PTPRT: variants seen among roughly 807,000 people sequenced by gnomAD.
PTPRT encodes protein tyrosine phosphatase receptor type T, also known as receptor-type tyrosine-protein phosphatase T.
A neutral mutation model predicts 176.8 loss-of-function variants in PTPRT; 56 were observed. The observed-to-expected ratio is 0.32, with a 90% CI of 0.26 to 0.40. The LOEUF (loss-of-function observed/expected upper bound fraction) is 0.40, where lower values mean the gene tolerates loss of function less well. Ranked by LOEUF, PTPRT falls within the 10% of genes least tolerant of loss-of-function variation. The pLI, the probability that PTPRT is intolerant of heterozygous loss-of-function variation, is 1.00. For missense variants in PTPRT, 1,540 were observed against 1,908.2 expected, an observed-to-expected ratio of 0.81 and a Z score of 3.60; for synonymous variants, 783 against 739.0, an observed-to-expected ratio of 1.06 and a Z score of -0.96.
chr20:42,790,224 TAA>T (rs3091721), intron 3 of PTPRT, among the ~76,000 whole-genome samples: 18,189 of 144,094 alleles, frequency 0.13, 1,145 homozygotes, highest in South Asian at 0.22. Flanking sequence ...ATAACATTGT[TAA>T]AAAAAAAAAA....
In PTPRT at chr20:42,128,843, C is replaced by A. The variant is rs769813330; in HGVS notation, c.2771-13G>T. On this transcript the variant is annotated splice_polypyrimidine_tract_variant and intron_variant, in intron 18 of 30. Transcript: ENST00000373187. The stretch of plus-strand genomic sequence containing the variant: ...CGGGAATGGTCGTCTGCAGAGAGAG[C>A]AGAAATCAAGGGGATGGTTGATAAG... The A allele has an allele frequency of 1.3e-6, 2 of 1,596,052 alleles. No homozygotes were observed. The highest frequency in any genetic ancestry group is 1.1e-5 in the South Asian group (1 of 87,968).
At chr20:42,274,961 A>G (rs2057004468) in intron 13 of PTPRT, among the ~76,000 whole-genome samples, 1 of 152,168 alleles carries the variant, frequency 6.6e-6, no homozygotes, top group South Asian at 2.1e-4. Context: ...TGGTCAATGA[A>G]TCTCATCTGT....
chr20:43,007,733 T>C (rs1024171372), intron 1 of PTPRT, among the ~76,000 whole-genome samples: 2 of 152,222 alleles, frequency 1.3e-5, no homozygotes, highest in Non-Finnish European at 2.9e-5. Flanking sequence ...GCTTTCTTTT[T>C]CAAATGCAGG....
intron 12 of PTPRT, among the ~76,000 whole-genome samples, chr20:42,300,630 TA>T (rs961100732): frequency 2.4e-4 from 36 of 151,806 alleles, no homozygotes; most frequent in African/African-American, 8.5e-4. Flanking sequence ...TTTATCAATA[TA>T]AATAAATTAA....
At chr20:42,344,431 A>T (rs1241801268) in intron 11 of PTPRT, among the ~76,000 whole-genome samples, 2 of 152,194 alleles carry the variant, frequency 1.3e-5, no homozygotes, top group Non-Finnish European at 2.9e-5. Context: ...CTATGGCAGG[A>T]AGAGCATAAT....
chr20:42,737,563 CG>C (rs2076558169), intron 6 of PTPRT, among the ~76,000 whole-genome samples: 1 of 151,060 alleles, frequency 6.6e-6, no homozygotes, highest in Non-Finnish European at 1.5e-5. Context: ...ACCCGGGAGA[CG>C]GAGGTTGCAG....
chr20:42,232,813 CAAAAAA>C (rs5841454), intron 15 of PTPRT, among the ~76,000 whole-genome samples: 1 of 63,238 alleles, frequency 1.6e-5, no homozygotes. Context: ...CTCTGTTTTA[CAAAAAA>C]AAAAAAAAAA....
chr20:43,062,143 G>A (rs1029889326), intron 1 of PTPRT, among the ~76,000 whole-genome samples: 3 of 152,190 alleles, frequency 2.0e-5, no homozygotes, highest in African/African-American at 7.2e-5. Context: ...TAATGAAAAT[G>A]TTCTATGCCT....
chr20:42,533,239 C>T (rs1197054432), intron 7 of PTPRT, among the ~76,000 whole-genome samples: 2 of 152,144 alleles, frequency 1.3e-5, no homozygotes, highest in Non-Finnish European at 2.9e-5. Context: ...TAATTTGATT[C>T]TAGAAAATCA....
chr20:43,151,028 C>T (rs1600751292), intron 1 of PTPRT, among the ~76,000 whole-genome samples: 1 of 151,840 alleles, frequency 6.6e-6, no homozygotes. Flanking sequence ...ATAGACTGGT[C>T]GGGTGTGGTG....
At chr20:42,760,380 CTTTT>C (rs754362528) in intron 5 of PTPRT, among the ~76,000 whole-genome samples, 1,065 of 94,168 alleles carry the variant, frequency 0.011, 24 homozygotes, top group African/African-American at 0.04. Flanking sequence ...TCTAAATCTG[CTTTT>C]TTTTTTTTTT....
chr20:42,837,417 C>T (rs1039460170), intron 2 of PTPRT, among the ~76,000 whole-genome samples: 5 of 152,192 alleles, frequency 3.3e-5, no homozygotes, highest in African/African-American at 1.2e-4. Context: ...ATTGTGACAC[C>T]TGCCCTAGTC....
chr20:42,785,102 A>G (rs2077269623), intron 3 of PTPRT, among the ~76,000 whole-genome samples: 1 of 152,240 alleles, frequency 6.6e-6, no homozygotes, highest in Non-Finnish European at 1.5e-5. Context: ...ATAGATCAAA[A>G]TATCACACTA....
intron 18 of PTPRT, among the ~76,000 whole-genome samples, chr20:42,140,143 T>C (rs1988554826): frequency 6.6e-6 from 1 of 152,230 alleles, no homozygotes; most frequent in African/African-American, 2.4e-5. Flanking sequence ...AAGTTTTTTC[T>C]TAGGCAATGT....
chr20:42,773,506 A>T (rs1306084740), intron 4 of PTPRT, among the ~76,000 whole-genome samples: 1 of 152,194 alleles, frequency 6.6e-6, no homozygotes, highest in Non-Finnish European at 1.5e-5. Context: ...AGCAGCTCAG[A>T]GACCCCTCAG....
chr20:42,636,111 T>C (rs1453374123), intron 7 of PTPRT, among the ~76,000 whole-genome samples: 1 of 152,148 alleles, frequency 6.6e-6, no homozygotes, highest in African/African-American at 2.4e-5. Flanking sequence ...ACTTGATTAC[T>C]CTTATACATG....
In PTPRT at chr20:42,943,342, T is replaced by C. The variant is rs575479381; in HGVS notation, c.89-57410A>G. Among the ~76,000 whole-genome samples the C allele has an allele frequency of 3.2e-4, 49 of 152,274 alleles. 2 individuals are homozygous for C. The South Asian group carries it at 0.01, about 32-fold the overall frequency. On this transcript the variant is annotated intron_variant, in intron 1 of 30. Transcript: ENST00000373187. ...CCATCCGCTCTAAAGCCAACCATTT[T>C]TGGGGATTGGCTTGTGAAGGGATAC...
At chr20:42,842,977 T>C (rs1569186291) in intron 2 of PTPRT, among the ~76,000 whole-genome samples, 1 of 152,132 alleles carries the variant, frequency 6.6e-6, no homozygotes, top group Non-Finnish European at 1.5e-5. Context: ...GGTGGCAACA[T>C]ACGAATTTGG....
Position 43,054,560 on chromosome 20 carries a change from A to C in PTPRT, c.88+135086T>G, listed in dbSNP as rs554255734. 4.0e-5 allele frequency among the ~76,000 whole-genome samples: 6 copies of C among 149,020 alleles called. No homozygotes were observed. In the South Asian group the frequency reaches 1.3e-3, roughly 33 times the overall value. On this transcript the variant is annotated intron_variant, in intron 1 of 30. Transcript: ENST00000373187. Reference sequence around the variant, plus strand: ...CAGAGTGAAACCCTGTCTCCAAAAAAAGAAGGGGAAAAAAAAAAAAAAAAA... The same window carrying C: ...CAGAGTGAAACCCTGTCTCCAAAAACAGAAGGGGAAAAAAAAAAAAAAAAA...
Sources: allele counts gnomAD v4.1 joint callset (sites outside exome capture counted in the v4.1 genomes callset), GRCh38; gene constraint gnomAD v4.1.1; transcripts MANE v1.5; gene names NCBI Gene and HGNC (gene_info 2026-07-23, HGNC 2026-07-21).